Variants in MAF observed in about 807,000 individuals in gnomAD.
MAF encodes MAF bZIP transcription factor.
MAF carries 10 observed loss-of-function variants against 22.0 expected under a neutral mutation model. The observed-to-expected ratio is 0.45, with a 90% CI of 0.28 to 0.77. MAF has a LOEUF of 0.77. MAF is among the 30% of genes least tolerant of loss of function. The pLI, the probability that MAF is intolerant of heterozygous loss-of-function variation, is 0.12. For missense variants in MAF, 544 were observed against 548.4 expected (o/e 0.99, Z 0.08); for synonymous variants, 337 against 255.8 (o/e 1.32, Z -3.03).
the MAF span, among the ~76,000 whole-genome samples, chr16:79,507,434 A>AT: frequency 1.8e-5 from 2 of 108,314 alleles, no homozygotes; most frequent in East Asian, 2.8e-4. Context: ...TTACTTTTTT[A>AT]TTTTTTTTGA....
At chr16:79,411,098 C>T in the MAF span, among the ~76,000 whole-genome samples, 1 of 152,176 alleles carries the variant, frequency 6.6e-6, no homozygotes, top group African/African-American at 2.4e-5. Context: ...TATTCACCAA[C>T]TCCTCCCTTG....
the MAF span, among the ~76,000 whole-genome samples, chr16:79,549,024 GACAA>G: frequency 6.6e-6 from 1 of 152,076 alleles, no homozygotes; most frequent in African/African-American, 2.4e-5. Flanking sequence ...CCTTACTCCA[GACAA>G]ACACTGTTCC....
the MAF span, among the ~76,000 whole-genome samples, chr16:79,499,322 A>T: frequency 6.6e-6 from 1 of 152,172 alleles, no homozygotes. Context: ...CATCTGGGAC[A>T]CAGTCATCTC....
the MAF span, among the ~76,000 whole-genome samples, chr16:79,324,679 A>G: frequency 1.8e-3 from 279 of 152,296 alleles, 2 homozygotes; most frequent in South Asian, 3.7e-3. Context: ...CCACCTCTAC[A>G]GAAAGGGGAG....
chr16:79,593,316 A>T (rs1913294806), downstream of MAF, among the ~76,000 whole-genome samples: 1 of 152,200 alleles, frequency 6.6e-6, no homozygotes, highest in Admixed American at 6.5e-5. Context: ...CTAGATATTT[A>T]GACCAGGACA....
At chr16:79,314,458 T>A in the MAF span, among the ~76,000 whole-genome samples, 2 of 152,128 alleles carry the variant, frequency 1.3e-5, no homozygotes, top group Non-Finnish European at 2.9e-5. Context: ...AGATGTCCCA[T>A]CAAACACTGG....
the MAF span, among the ~76,000 whole-genome samples, chr16:79,305,741 G>A: frequency 1.3e-5 from 2 of 152,226 alleles, no homozygotes; most frequent in Non-Finnish European, 2.9e-5. Context: ...GATTTAAGCA[G>A]AGAGAGGAAT....
the MAF span, among the ~76,000 whole-genome samples, chr16:79,483,317 C>T: frequency 1.5e-5 from 2 of 130,990 alleles, no homozygotes; most frequent in African/African-American, 5.9e-5. Flanking sequence ...CCTCTGTGAA[C>T]AAACACTGTG....
chr16:79,546,480 G>A, the MAF span, among the ~76,000 whole-genome samples: 3 of 152,194 alleles, frequency 2.0e-5, no homozygotes, highest in East Asian at 1.9e-4. Flanking sequence ...GGTTTTCAAC[G>A]TGGAAAGCAG....
chr16:79,447,735 C>T, the MAF span, among the ~76,000 whole-genome samples: 1 of 151,624 alleles, frequency 6.6e-6, no homozygotes, highest in Admixed American at 6.6e-5. Context: ...CAGACTTTAA[C>T]TGCAGATGTG....
the MAF span, among the ~76,000 whole-genome samples, chr16:79,475,702 T>C: frequency 6.6e-6 from 1 of 152,148 alleles, no homozygotes; most frequent in African/African-American, 2.4e-5. Flanking sequence ...TCAATGTATA[T>C]AAATTTCACC....
At chr16:79,369,860 G>C in the MAF span, among the ~76,000 whole-genome samples, 9 of 152,206 alleles carry the variant, frequency 5.9e-5, 1 homozygote, top group African/African-American at 2.2e-4. Flanking sequence ...AGCCCAGTTA[G>C]AGTGAAGAAA....
the MAF span, among the ~76,000 whole-genome samples, chr16:79,511,845 C>G: frequency 6.6e-6 from 1 of 152,202 alleles, no homozygotes; most frequent in Non-Finnish European, 1.5e-5. Context: ...CATCTAGCTT[C>G]AGAGCTCATG....
the MAF span, among the ~76,000 whole-genome samples, chr16:79,426,827 C>T: frequency 2.0e-5 from 3 of 152,196 alleles, no homozygotes; most frequent in African/African-American, 7.2e-5. Context: ...TGGCGTGAGC[C>T]CGGAGTGCTG....
At chr16:79,214,864 C>T in the MAF span, among the ~76,000 whole-genome samples, 1 of 151,308 alleles carries the variant, frequency 6.6e-6, no homozygotes, top group Non-Finnish European at 1.5e-5. Context: ...GTGCCCACAA[C>T]CACACCTGGC....
At chr16:79,215,974 T>C in the MAF span, among the ~76,000 whole-genome samples, 1 of 152,212 alleles carries the variant, frequency 6.6e-6, no homozygotes, top group Non-Finnish European at 1.5e-5. Context: ...CATGGGCCAT[T>C]TTCTCTTGCC....
At chr16:79,260,245 G>T in the MAF span, among the ~76,000 whole-genome samples, 16 of 152,098 alleles carry the variant, frequency 1.1e-4, no homozygotes, top group Non-Finnish European at 1.6e-4. Flanking sequence ...CAAACTCCTG[G>T]GCTCAAGTGA....
the MAF span, among the ~76,000 whole-genome samples, chr16:79,398,804 C>T: frequency 6.6e-6 from 1 of 152,196 alleles, no homozygotes; most frequent in Non-Finnish European, 1.5e-5. Context: ...ACTTCTCCTA[C>T]TCAACCCCAA....
At chr16:79,598,443 G>C in intron 1 of MAF, 1 of 1,241,730 alleles carries the variant, frequency 8.1e-7, no homozygotes, top group Non-Finnish European at 1.0e-6. Context: ...CCGGGGGTGG[G>C]GCGGGGGGGT....
Sources: allele counts gnomAD v4.1 joint callset (sites outside exome capture counted in the v4.1 genomes callset), GRCh38; gene constraint gnomAD v4.1.1; transcripts MANE v1.5; gene names NCBI Gene and HGNC (gene_info 2026-07-23, HGNC 2026-07-21).